The following LCK variants were observed in gnomAD, a reference collection of about 807,000 sequenced individuals.
LCK encodes LCK proto-oncogene, Src family tyrosine kinase.
LCK carries 14 observed loss-of-function variants against 64.6 expected under a neutral mutation model. The ratio of observed to expected loss-of-function variants is 0.22; its 90% confidence interval spans 0.14 to 0.34. The LOEUF (loss-of-function observed/expected upper bound fraction) is 0.34, where lower values mean the gene tolerates loss of function less well. Among genes scored for constraint, LCK ranks in the 10% least tolerant of loss-of-function variants. The pLI is 1.00. For missense variants in LCK, 434 were observed against 668.1 expected (o/e 0.65, Z 3.86); for synonymous variants, 277 against 263.6 (o/e 1.05, Z -0.49).
At position 32,275,185 on chromosome 1, in the gene LCK, C is replaced by T. The variant is rs1329086360; in HGVS notation, c.278+102C>T. ...CCCTTGACCAGCTCGGGGTGGCCGC[C>T]CTTGGGACAAAATTCGAGGCTCAGT... On this transcript the variant is annotated intron_variant, in intron 4 of 12. Transcript: ENST00000336890. This position sits in a 1 kb window ranked among gnomAD's most constrained non-coding sequence, Gnocchi z 6.9. 2.0e-6 allele frequency: 3 copies of T among 1,463,596 alleles called. No individual in the cohort carries two copies. In the African/African-American group the frequency reaches 4.2e-5, roughly 20 times the overall value. The allele number at this position is 1,463,596 out of a possible 1,614,324, so 90.7% of individuals were successfully genotyped here.
At chr1:32,266,370 C>A (rs933382063) in intron 1 of LCK, among the ~76,000 whole-genome samples, 2 of 150,892 alleles carry the variant, frequency 1.3e-5, no homozygotes, top group African/African-American at 4.9e-5. Context: ...CAGTGGCGGG[C>A]GCCGGTAGTT....
chr1:32,279,460 T>A, intron 9 of LCK: 1 of 755,392 alleles, frequency 1.3e-6, no homozygotes. Context: ...AACCTACAGA[T>A]CCCTCCCAGC....
chr1:32,265,244 C>T (rs1238351344), intron 1 of LCK, among the ~76,000 whole-genome samples: 1 of 151,584 alleles, frequency 6.6e-6, no homozygotes, highest in African/African-American at 2.4e-5. Context: ...ATAAATAATA[C>T]AATTTGTCAA....
At chr1:32,273,570 G>T (rs529151058) in intron 1 of LCK, among the ~76,000 whole-genome samples, 1 of 152,018 alleles carries the variant, frequency 6.6e-6, no homozygotes, top group African/African-American at 2.4e-5. Context: ...AGGGACTCCG[G>T]GGGCTTCAAA....
intron 12 of LCK, 138 bp downstream of exon 12, chr1:32,280,348 C>A (rs376993150): frequency 1.9e-6 from 2 of 1,067,510 alleles, no homozygotes; most frequent in South Asian, 1.7e-5. Context: ...AGTCCAACGT[C>A]CCCAGGCAGA....
At position 32,251,304 on chromosome 1, in the gene LCK, T is replaced by C. The variant is rs535937841; in HGVS notation, c.-73T>C. 6.5e-6 allele frequency: 1 copy of C among 152,686 alleles called. No homozygotes were observed. The highest frequency in any genetic ancestry group is 6.5e-5 in the Admixed American group (1 of 15,304). The allele number at this position is 152,686 out of a possible 1,614,324, so 9.5% of individuals were successfully genotyped here. The stretch of plus-strand genomic sequence containing the variant: ...CTACGACGGCGAAGGGAGCTGAGAC[T>C]GTCCAGGCAGCCAGGTTAGGCCAGG... On this transcript the variant is annotated 5_prime_UTR_variant, in exon 1 of 13. Transcript: ENST00000336890. This position sits in a 1 kb window ranked among gnomAD's most constrained non-coding sequence, Gnocchi z 4.0.
At chr1:32,274,544 C>G in intron 2 of LCK, 110 bp downstream of exon 2, 1 of 988,574 alleles carries the variant, frequency 1.0e-6, no homozygotes, top group Non-Finnish European at 1.5e-6. Flanking sequence ...GGCCCTCTCC[C>G]CTGAAATACA....
chr1:32,281,699 G>C (rs1640465110), intron 12 of LCK, among the ~76,000 whole-genome samples: 1 of 152,080 alleles, frequency 6.6e-6, no homozygotes, highest in African/African-American at 2.4e-5. Context: ...ATGCGGCACA[G>C]TGGCTAGATT....
chr1:32,263,822 G>A (rs1433758220), intron 1 of LCK, among the ~76,000 whole-genome samples: 3 of 151,970 alleles, frequency 2.0e-5, no homozygotes, highest in Non-Finnish European at 4.4e-5. Flanking sequence ...GAGGTAAGAG[G>A]ATCCCTTGAG....
Position 32,276,952 on chromosome 1 carries a change from C to T in LCK, c.964+166C>T, listed in dbSNP as rs1640297067. On this transcript the variant is annotated intron_variant, in intron 9 of 12. Coordinates refer to ENST00000336890, the MANE Select transcript of LCK (RefSeq NM_005356.5). The surrounding 1 kb of genome is among the most constrained non-coding windows in gnomAD (Gnocchi z 4.6). ...CTCCAGCCGGGCGCGGTGGCTCAGGCCTGTAATCCCAGCACTTTGGGAGCC... is the reference window on the plus strand; with the variant it reads ...CTCCAGCCGGGCGCGGTGGCTCAGGTCTGTAATCCCAGCACTTTGGGAGCC... The T allele has an allele frequency of 6.3e-6, 4 of 633,904 alleles. No homozygotes were observed. Among genetic ancestry groups the T allele is most frequent in the Non-Finnish European group, 7.5e-6 (3 of 399,326 alleles). The allele number at this position is 633,904 out of a possible 1,614,324, so 39.3% of individuals were successfully genotyped here.
At chr1:32,278,638 C>A (rs949120640) in intron 9 of LCK, among the ~76,000 whole-genome samples, 15 of 152,154 alleles carry the variant, frequency 9.9e-5, no homozygotes, top group African/African-American at 3.6e-4. Flanking sequence ...CATGCCCAGC[C>A]TATCATGTGT....
At chr1:32,261,484 A>G (rs1311581494) in intron 1 of LCK, among the ~76,000 whole-genome samples, 1 of 150,970 alleles carries the variant, frequency 6.6e-6, no homozygotes, top group East Asian at 1.9e-4. Context: ...CGTCTCTACT[A>G]AAAATACAAA....
intron 1 of LCK, among the ~76,000 whole-genome samples, chr1:32,253,944 T>A (rs757184152): frequency 6.6e-6 from 1 of 151,978 alleles, no homozygotes; most frequent in Non-Finnish European, 1.5e-5. Flanking sequence ...GGGCAGGGGC[T>A]ACACATAAAA....
intron 1 of LCK, among the ~76,000 whole-genome samples, chr1:32,259,629 A>AAAT (rs762289799): frequency 2.3e-3 from 337 of 149,540 alleles, no homozygotes; most frequent in Admixed American, 3.7e-3. Flanking sequence ...AAAAAAATAA[A>AAAT]AATAATAATA....
Position 32,251,957 on chromosome 1 carries a change from C to T in LCK, c.-6+586C>T, listed in dbSNP as rs925188105. ...GAGAGACAGAGATCACCCAAGGCAT[C>T]CAGATGGACATGCGAGGAGTGATTT... On this transcript the variant is annotated intron_variant, in intron 1 of 12. Coordinates refer to ENST00000336890, the MANE Select transcript of LCK (RefSeq NM_005356.5). The surrounding 1 kb of genome is among the most constrained non-coding windows in gnomAD (Gnocchi z 4.0). Among the ~76,000 whole-genome samples the T allele has an allele frequency of 7.4e-5, 11 of 147,724 alleles. No homozygotes were observed. The South Asian group carries it at 1.9e-3, about 26-fold the overall frequency.
At chr1:32,285,179 T>C (rs905278340) in intron 12 of LCK, among the ~76,000 whole-genome samples, 1 of 151,674 alleles carries the variant, frequency 6.6e-6, no homozygotes, top group African/African-American at 2.4e-5. Context: ...TGCATGCCTG[T>C]AATCCCAGCT....
At chr1:32,254,804 G>T (rs954253499) in intron 1 of LCK, among the ~76,000 whole-genome samples, 3 of 152,108 alleles carry the variant, frequency 2.0e-5, no homozygotes, top group Non-Finnish European at 4.4e-5. Flanking sequence ...GAGCCACCTC[G>T]CCCGGCTGTT....
At chr1:32,270,086 A>C (rs911549124) in intron 1 of LCK, among the ~76,000 whole-genome samples, 1 of 152,110 alleles carries the variant, frequency 6.6e-6, no homozygotes, top group African/African-American at 2.4e-5. Flanking sequence ...ACTTAGACCC[A>C]GCATGAATTC....
chr1:32,261,718 C>T (rs934442761), intron 1 of LCK, among the ~76,000 whole-genome samples: 1 of 149,522 alleles, frequency 6.7e-6, no homozygotes, highest in Non-Finnish European at 1.5e-5. Flanking sequence ...ACTTTGGAGG[C>T]CGAGGTGGGC....
Sources: gnomAD v4.1 joint callset for allele counts (sites outside exome capture counted in the v4.1 genomes callset) on GRCh38, gnomAD v4.1.1 for gene constraint, Gnocchi (gnomAD v3.1) non-coding constraint, MANE v1.5 for transcripts, NCBI Gene and HGNC (gene_info 2026-07-23, HGNC 2026-07-21) for gene names.